CCDC150: variants seen among roughly 807,000 people sequenced by gnomAD.
The protein encoded by CCDC150 is coiled-coil domain-containing protein 150.
A neutral mutation model predicts 156.5 loss-of-function variants in CCDC150; 151 were observed. That is an observed-to-expected ratio of 0.97 (90% CI 0.85 to 1.10). CCDC150 has a LOEUF of 1.10. CCDC150 is among the 50% of genes least tolerant of loss of function. CCDC150 has a pLI of 0.00. For synonymous variants in CCDC150, 452 were observed against 429.4 expected (o/e 1.05, Z -0.65); for missense variants, 1,312 against 1,268.1 (o/e 1.03, Z -0.53).
chr2:196,706,839 TCTTGCATCCCAGAGATGAAGCTGA>T (rs1696683694), intron 15 of CCDC150, among the ~76,000 whole-genome samples: 1 of 152,090 alleles, frequency 6.6e-6, no homozygotes, highest in Non-Finnish European at 1.5e-5. Flanking sequence ...GTTGAACCAG[TCTTGCATCCCAGAGATGAAGCTGA>T]CTTGATTGTG....
At chr2:196,704,804 G>GT (rs908395432) in intron 15 of CCDC150, among the ~76,000 whole-genome samples, 1 of 152,092 alleles carries the variant, frequency 6.6e-6, no homozygotes, top group Non-Finnish European at 1.5e-5. Flanking sequence ...TGGGGTGTTT[G>GT]TTTTTCTGTC....
rs750339292 is a variant in CCDC150 at position 196,656,795 on chromosome 2, C to G, written c.339C>G (p.Ser113=). 1 of 1,613,826 alleles carries G rather than the reference C, an allele frequency of 6.2e-7. No homozygotes were observed. Among genetic ancestry groups the G allele is most frequent in the Admixed American group, 1.7e-5 (1 of 59,998 alleles). The change falls in exon 3 of 28, where the codon TCC becomes TCG. Residue 113 remains serine (S), a synonymous_variant. Coordinates refer to ENST00000389175, the MANE Select transcript of CCDC150 (RefSeq NM_001080539.2). ...GCCGTCTTGAAAGCCTCATGCAGTC[C>G]TTGAAGATGAACATCTTTCGGCTGC... ...RMCRLESLMQ[S]LKMNIFRLQT...
chr2:196,681,568 A>C (rs1454489024), intron 13 of CCDC150, among the ~76,000 whole-genome samples: 1 of 152,140 alleles, frequency 6.6e-6, no homozygotes, highest in Non-Finnish European at 1.5e-5. Context: ...CACAGCACTA[A>C]ACCATTTTAC....
rs777728759 is a variant in CCDC150 at position 196,719,697 on chromosome 2, T to C, written c.2165+31T>C. Reference sequence around the variant, plus strand: ...TGTGGTTTTTTTTCCCTGTCATTGGTATTGCTGGATTGTACTAAGGAGCAG... The same window carrying C: ...TGTGGTTTTTTTTCCCTGTCATTGGCATTGCTGGATTGTACTAAGGAGCAG... On this transcript the variant is annotated intron_variant, in intron 19 of 27. Transcript: ENST00000389175. The C allele has an allele frequency of 1.9e-6, 3 of 1,561,174 alleles. No individual in the cohort carries two copies. In the South Asian group the frequency reaches 3.6e-5, roughly 19 times the overall value.
intron 13 of CCDC150, among the ~76,000 whole-genome samples, chr2:196,692,941 GT>G (rs1318427917): frequency 1.3e-5 from 2 of 152,182 alleles, no homozygotes; most frequent in Non-Finnish European, 2.9e-5. Flanking sequence ...CTGTTATTGT[GT>G]GGGAGTCTGT....
At chr2:196,668,295 TAAAAAAAA>T (rs55945331) in intron 7 of CCDC150, among the ~76,000 whole-genome samples, 2 of 92,250 alleles carry the variant, frequency 2.2e-5, no homozygotes, top group Middle Eastern at 6.2e-3. Context: ...AAACTCCATC[TAAAAAAAA>T]AAAAAAAAAA....
At position 196,646,502 on chromosome 2, in the gene CCDC150, A is replaced by T; in HGVS notation, c.174A>T (p.Lys58Asn). 6.2e-7 allele frequency: 1 copy of T among 1,612,926 alleles called. No homozygotes were observed. The highest frequency in any genetic ancestry group is 8.5e-7 in the Non-Finnish European group (1 of 1,179,104). The change falls in exon 2 of 28, where the codon AAA becomes AAT. Residue 58 changes from lysine to asparagine, a missense_variant and splice_region_variant. Coordinates refer to ENST00000389175, the MANE Select transcript of CCDC150 (RefSeq NM_001080539.2). Reference protein sequence around the residue: ...DDLIMLDFGEKRGYLEAPDCL... With the variant: ...DDLIMLDFGENRGYLEAPDCL... ...TAATAATGTTGGATTTTGGTGAAAAAAGGTAACAAAAATGAACTACATCTC... is the reference window on the plus strand; with the variant it reads ...TAATAATGTTGGATTTTGGTGAAAATAGGTAACAAAAATGAACTACATCTC...
intron 7 of CCDC150, 95 bp from the exon 8 acceptor site, chr2:196,669,738 C>T: frequency 1.2e-6 from 1 of 864,656 alleles, no homozygotes; most frequent in Non-Finnish European, 1.9e-6. Context: ...CTTATCTCTA[C>T]AAAAAATAGA....
intron 14 of CCDC150, among the ~76,000 whole-genome samples, chr2:196,697,956 G>A (rs1278343789): frequency 1.3e-5 from 2 of 152,036 alleles, no homozygotes; most frequent in Non-Finnish European, 2.9e-5. Context: ...AGTTAAAATG[G>A]ATATTCTAAT....
chr2:196,666,873 A>G (rs1050983789), intron 7 of CCDC150, 25 bp downstream of exon 7: 1 of 1,612,794 alleles, frequency 6.2e-7, no homozygotes, highest in Non-Finnish European at 8.5e-7. Flanking sequence ...GCTAGAAATC[A>G]CCCTCTTGTT....
At chr2:196,689,292 G>A (rs1276590435) in intron 13 of CCDC150, among the ~76,000 whole-genome samples, 1 of 152,122 alleles carries the variant, frequency 6.6e-6, no homozygotes, top group Non-Finnish European at 1.5e-5. Context: ...AAAGTCATTG[G>A]TAGCTTGATG....
rs376522181 is a variant in CCDC150, at chr2:196,646,534, T to C, written c.176+30T>C. The C allele has an allele frequency of 1.8e-5, 29 of 1,586,352 alleles. No homozygotes were observed. The African/African-American group carries it at 3.2e-4, about 18-fold the overall frequency. On this transcript the variant is annotated intron_variant, in intron 2 of 27. Transcript: ENST00000389175. ...CAAAAATGAACTACATCTCTGTAGGTTGAAGAATTTTGCTTCACTGCTTAT... is the reference window on the plus strand; with the variant it reads ...CAAAAATGAACTACATCTCTGTAGGCTGAAGAATTTTGCTTCACTGCTTAT...
chr2:196,709,727 CT>C (rs1696956986), intron 15 of CCDC150, among the ~76,000 whole-genome samples: 1 of 152,140 alleles, frequency 6.6e-6, no homozygotes, highest in South Asian at 2.1e-4. Context: ...GATGCTATTC[CT>C]TTTTGTTTGT....
At chr2:196,712,803 G>A in intron 17 of CCDC150, 64 bp downstream of exon 17, 1 of 1,190,732 alleles carries the variant, frequency 8.4e-7, no homozygotes, top group Non-Finnish European at 1.2e-6. Context: ...ACCTTTCATA[G>A]TTCACATAAT....
At chr2:196,645,490 C>T (rs1225150721) in intron 1 of CCDC150, among the ~76,000 whole-genome samples, 2 of 152,198 alleles carry the variant, frequency 1.3e-5, no homozygotes, top group Non-Finnish European at 2.9e-5. Flanking sequence ...CTAAGGCTTA[C>T]AGCATGATTA....
chr2:196,717,890 CA>C (rs3085043), intron 17 of CCDC150, among the ~76,000 whole-genome samples: 17 of 148,680 alleles, frequency 1.1e-4, no homozygotes, highest in South Asian at 6.3e-4. Context: ...AATTCAGTCT[CA>C]AAAAAAAAAA....
At position 196,694,394 on chromosome 2, in the gene CCDC150, T is replaced by C. The variant is rs1359149384; in HGVS notation, c.1510-652T>C. 5.3e-4 allele frequency among the ~76,000 whole-genome samples: 81 copies of C among 152,120 alleles called. 1 individual carries two copies. Among genetic ancestry groups the C allele is most frequent in the Non-Finnish European group, 5.9e-5 (4 of 68,004 alleles). ...ATCTATATTCATAAGCTTGAATTGA[T>C]TTTAAGTAAATACCAGAAGGACTTT... On this transcript the variant is annotated intron_variant, in intron 13 of 27. Transcript: ENST00000389175.
chr2:196,690,333 GTAAC>G (rs1437648215), intron 13 of CCDC150, among the ~76,000 whole-genome samples: 2 of 151,932 alleles, frequency 1.3e-5, no homozygotes, highest in East Asian at 1.9e-4. Context: ...GTATACATAT[GTAAC>G]TAACCTGCAC....
chr2:196,730,182 A>C (rs1221018881), intron 25 of CCDC150, 64 bp downstream of exon 25: 1 of 1,418,118 alleles, frequency 7.1e-7, no homozygotes, highest in Non-Finnish European at 9.5e-7. Context: ...AAAGCCCAGT[A>C]GTTTTGCACC....
Sources: allele counts gnomAD v4.1 joint callset (sites outside exome capture counted in the v4.1 genomes callset), GRCh38; gene constraint gnomAD v4.1.1; transcripts MANE v1.5; gene names NCBI Gene and HGNC (gene_info 2026-07-23, HGNC 2026-07-21).